Variants in KANSL1L observed in about 807,000 individuals in gnomAD.
KANSL1L encodes KAT8 regulatory NSL complex subunit 1-like protein.
In KANSL1L, 25 loss-of-function variants were observed where a neutral mutation model predicts 108.6. The ratio of observed to expected loss-of-function variants is 0.23; its 90% confidence interval spans 0.17 to 0.32. KANSL1L has a LOEUF of 0.32. Ranked by LOEUF, KANSL1L falls within the 10% of genes least tolerant of loss-of-function variation. The pLI is 1.00. For synonymous variants in KANSL1L, 405 were observed against 395.1 expected, an observed-to-expected ratio of 1.03 and a Z score of -0.30; for missense variants, 1,137 against 1,125.7, an observed-to-expected ratio of 1.01 and a Z score of -0.14.
intron 3 of KANSL1L, among the ~76,000 whole-genome samples, chr2:210,119,396 A>C (rs550606719): frequency 6.6e-6 from 1 of 152,254 alleles, no homozygotes; most frequent in East Asian, 1.9e-4. Context: ...AAAAAGAGAA[A>C]ACTATAGGCA....
At chr2:210,144,791 A>C (rs1365582904) in intron 2 of KANSL1L, among the ~76,000 whole-genome samples, 1 of 152,174 alleles carries the variant, frequency 6.6e-6, no homozygotes, top group Non-Finnish European at 1.5e-5. Context: ...ATTTTGAATT[A>C]TCTGCCAAGA....
In KANSL1L at chr2:210,040,738, G is replaced by T. The variant is rs950166733; in HGVS notation, c.1922-211C>A. On this transcript the variant is annotated intron_variant, in intron 7 of 14. Coordinates refer to ENST00000281772, the MANE Select transcript of KANSL1L (RefSeq NM_152519.4). ...GTATTTTAGAAATTACTGGTTAGGT[G>T]CACTTAATCAACAAATTAAAAAGCT... Among the ~76,000 whole-genome samples the T allele has an allele frequency of 2.0e-5, 3 of 152,126 alleles. No homozygotes were observed. The East Asian group carries it at 5.8e-4, about 29-fold the overall frequency.
intron 2 of KANSL1L, among the ~76,000 whole-genome samples, chr2:210,136,106 GT>G (rs2095171488): frequency 6.6e-6 from 1 of 152,110 alleles, no homozygotes; most frequent in African/African-American, 2.4e-5. Context: ...CTTAAAAAGG[GT>G]TCCAAAAAGG....
chr2:210,063,361 C>T (rs968664289), intron 6 of KANSL1L, among the ~76,000 whole-genome samples: 9 of 152,200 alleles, frequency 5.9e-5, no homozygotes, highest in Non-Finnish European at 8.8e-5. Flanking sequence ...GGGTCAGAGC[C>T]CCCACAAACA....
intron 3 of KANSL1L, among the ~76,000 whole-genome samples, chr2:210,124,485 T>A (rs2095048049): frequency 6.6e-6 from 1 of 151,982 alleles, no homozygotes; most frequent in Admixed American, 6.6e-5. Context: ...ATTTATGAGA[T>A]GCAGTGAAGG....
At chr2:210,023,841 C>T (rs1485551190) in intron 14 of KANSL1L, among the ~76,000 whole-genome samples, 192 bp downstream of exon 14, 3 of 152,124 alleles carry the variant, frequency 2.0e-5, no homozygotes, top group African/African-American at 7.2e-5. Context: ...CTTGGAAGTT[C>T]GTATTGACTT....
intron 3 of KANSL1L, among the ~76,000 whole-genome samples, chr2:210,108,436 A>G (rs1370250689): frequency 6.6e-6 from 1 of 152,206 alleles, no homozygotes; most frequent in Non-Finnish European, 1.5e-5. Flanking sequence ...TTTAAACAAG[A>G]AGTATACAGT....
intron 5 of KANSL1L, among the ~76,000 whole-genome samples, chr2:210,089,709 TG>T (rs1445812224): frequency 6.6e-6 from 1 of 151,340 alleles, no homozygotes; most frequent in Non-Finnish European, 1.5e-5. Context: ...GGGAGGGGCA[TG>T]GGGGAGATTA....
At chr2:210,083,377 A>G (rs1309419611) in intron 5 of KANSL1L, among the ~76,000 whole-genome samples, 3 of 152,150 alleles carry the variant, frequency 2.0e-5, no homozygotes, top group Non-Finnish European at 4.4e-5. Flanking sequence ...CATGACTTGT[A>G]ATCTCTATTT....
chr2:210,032,398 C>T (rs996048638), intron 8 of KANSL1L: 1 of 152,164 alleles, frequency 6.6e-6, no homozygotes, highest in Non-Finnish European at 1.5e-5. Flanking sequence ...TCTGAGGAAT[C>T]TCTAAAAGAC....
rs1194765830 is a variant in KANSL1L at position 210,054,523 on chromosome 2, G to A, written c.1756-10419C>T. ...GCAAAAAAAATTAAAATTTATAAAT[G>A]TACAAACTCTTTGTCCCAGCAATTC... On this transcript the variant is annotated intron_variant, in intron 6 of 14. Transcript: ENST00000281772. 3.3e-5 allele frequency among the ~76,000 whole-genome samples: 5 copies of A among 152,194 alleles called. No individual in the cohort carries two copies. The East Asian group carries it at 9.6e-4, about 29-fold the overall frequency.
At chr2:210,161,401 G>A (rs897782461) in intron 1 of KANSL1L, among the ~76,000 whole-genome samples, 10 of 152,044 alleles carry the variant, frequency 6.6e-5, no homozygotes, top group South Asian at 4.1e-4. Flanking sequence ...AACTGAATAC[G>A]TATTTCATAC....
At chr2:210,161,148 C>A (rs1198923467) in intron 1 of KANSL1L, among the ~76,000 whole-genome samples, 1 of 151,884 alleles carries the variant, frequency 6.6e-6, no homozygotes, top group African/African-American at 2.4e-5. Context: ...GCCATCATGC[C>A]CGGCTAATTT....
At chr2:210,161,428 CAG>C (rs1265406026) in intron 1 of KANSL1L, among the ~76,000 whole-genome samples, 1 of 152,140 alleles carries the variant, frequency 6.6e-6, no homozygotes, top group East Asian at 1.9e-4. Context: ...TAAAAATGGT[CAG>C]ACCTATCAGA....
intron 2 of KANSL1L, among the ~76,000 whole-genome samples, chr2:210,138,548 G>C (rs543163128): frequency 6.6e-6 from 1 of 152,150 alleles, no homozygotes; most frequent in East Asian, 1.9e-4. Flanking sequence ...GCAGTGTTTA[G>C]ATTTGTCTAA....
chr2:210,094,371 G>C (rs1412724082), intron 5 of KANSL1L, among the ~76,000 whole-genome samples: 1 of 152,008 alleles, frequency 6.6e-6, no homozygotes, highest in Admixed American at 6.6e-5. Context: ...TGTCAAGTCT[G>C]AAATACCATT....
At chr2:210,065,142 A>G (rs192190843) in intron 6 of KANSL1L, among the ~76,000 whole-genome samples, 17 of 151,446 alleles carry the variant, frequency 1.1e-4, no homozygotes, top group African/African-American at 3.9e-4. Flanking sequence ...AAAAATACAA[A>G]AACAGCCCTG....
chr2:210,070,452 G>C (rs530116097), intron 6 of KANSL1L, among the ~76,000 whole-genome samples: 31 of 151,056 alleles, frequency 2.1e-4, no homozygotes, highest in Non-Finnish European at 4.3e-4. Context: ...GGATGGTCTA[G>C]ATCTCCTGAC....
chr2:210,160,893 C>G (rs557479387), intron 1 of KANSL1L, among the ~76,000 whole-genome samples: 3 of 151,820 alleles, frequency 2.0e-5, no homozygotes, highest in African/African-American at 7.2e-5. Flanking sequence ...TTACCAATTT[C>G]TAGTAGACAA....
Sources: allele counts gnomAD v4.1 joint callset (sites outside exome capture counted in the v4.1 genomes callset), GRCh38; gene constraint gnomAD v4.1.1; transcripts MANE v1.5; gene names NCBI Gene and HGNC (gene_info 2026-07-23, HGNC 2026-07-21).